The following NBAS variants were observed in gnomAD, a reference collection of about 807,000 sequenced individuals.
NBAS encodes the protein NAG/BC035112 fusion.
Under a neutral mutation model 302.5 loss-of-function variants are expected in NBAS, and 219 were observed. The observed-to-expected ratio is 0.72, with a 90% CI of 0.65 to 0.81. The LOEUF is 0.81. Among genes scored for constraint, NBAS ranks in the 30% least tolerant of loss-of-function variants. NBAS has a pLI of 0.00. For missense variants in NBAS, 2,932 were observed against 2,841.6 expected, an observed-to-expected ratio of 1.03 and a Z score of -0.72; for synonymous variants, 1,118 against 1,021.6, an observed-to-expected ratio of 1.09 and a Z score of -1.80.
the NBAS span, among the ~76,000 whole-genome samples, chr2:14,937,993 T>C: frequency 0.049 from 7,409 of 152,116 alleles, 570 homozygotes; most frequent in African/African-American, 0.17. Flanking sequence ...GCCGTCATGG[T>C]GGTACGCACA....
intron 48 of NBAS, among the ~76,000 whole-genome samples, chr2:15,216,893 C>T (rs10199734): frequency 0.24 from 36,232 of 152,032 alleles, 4,394 homozygotes; most frequent in Middle Eastern, 0.32. Context: ...TGAAACTGAC[C>T]GAGGTCGAGA....
the NBAS span, among the ~76,000 whole-genome samples, chr2:14,913,918 T>C: frequency 3.9e-5 from 6 of 152,214 alleles, no homozygotes; most frequent in Non-Finnish European, 7.3e-5. Context: ...ACTATATTAG[T>C]GTGTTTTCAC....
chr2:15,440,181 T>C (rs977232906), intron 21 of NBAS, among the ~76,000 whole-genome samples: 3 of 152,186 alleles, frequency 2.0e-5, no homozygotes, highest in Non-Finnish European at 2.9e-5. Flanking sequence ...CAACTGGAGA[T>C]CTGAGAACGG....
intron 35 of NBAS, among the ~76,000 whole-genome samples, chr2:15,335,433 G>C (rs1672538115): frequency 1.3e-5 from 2 of 152,154 alleles, no homozygotes; most frequent in Admixed American, 1.3e-4. Flanking sequence ...TTCTAAAGTG[G>C]TTATTACACT....
chr2:15,078,922 T>C, the NBAS span, among the ~76,000 whole-genome samples: 1 of 152,066 alleles, frequency 6.6e-6, no homozygotes, highest in Non-Finnish European at 1.5e-5. Flanking sequence ...AAGTGAGACA[T>C]GAGAAAATGT....
At chr2:15,332,436 T>C (rs1672394753) in intron 35 of NBAS, among the ~76,000 whole-genome samples, 1 of 152,152 alleles carries the variant, frequency 6.6e-6, no homozygotes, top group Non-Finnish European at 1.5e-5. Context: ...TTCTTACTTC[T>C]AAAGGGAAAA....
intron 11 of NBAS, among the ~76,000 whole-genome samples, chr2:15,496,332 G>A (rs978832237): frequency 2.6e-5 from 4 of 152,144 alleles, no homozygotes; most frequent in African/African-American, 9.7e-5. Context: ...GGGAGATGGA[G>A]TGTTGCAGGT....
At chr2:15,440,222 C>A (rs1678292429) in intron 21 of NBAS, among the ~76,000 whole-genome samples, 1 of 152,192 alleles carries the variant, frequency 6.6e-6, no homozygotes, top group African/African-American at 2.4e-5. Context: ...GGTCCCTGAC[C>A]CCTGACCCCC....
the NBAS span, among the ~76,000 whole-genome samples, chr2:14,806,172 C>G: frequency 6.6e-6 from 1 of 152,144 alleles, no homozygotes; most frequent in African/African-American, 2.4e-5. Context: ...TCATTTCTAA[C>G]AAGTTCCCAA....
chr2:15,312,148 T>C (rs1210663540), intron 38 of NBAS, among the ~76,000 whole-genome samples: 1 of 152,248 alleles, frequency 6.6e-6, no homozygotes, highest in African/African-American at 2.4e-5. Context: ...CAGATGATCC[T>C]CCTCTGTGTG....
the NBAS span, among the ~76,000 whole-genome samples, chr2:15,062,390 T>C: frequency 6.6e-6 from 1 of 152,218 alleles, no homozygotes; most frequent in Non-Finnish European, 1.5e-5. Flanking sequence ...TTGGGCTATT[T>C]ATACTAGAGG....
the NBAS span, among the ~76,000 whole-genome samples, chr2:14,855,832 G>A: frequency 3.3e-5 from 5 of 152,174 alleles, no homozygotes; most frequent in Non-Finnish European, 5.9e-5. Context: ...CCCACTTAGG[G>A]CTTGTGAGAC....
chr2:15,072,240 C>T, the NBAS span, among the ~76,000 whole-genome samples: 5 of 152,164 alleles, frequency 3.3e-5, no homozygotes, highest in African/African-American at 9.7e-5. Flanking sequence ...GAAAAATACT[C>T]GCCTTGCTGT....
At chr2:14,816,633 G>T in the NBAS span, among the ~76,000 whole-genome samples, 3 of 152,142 alleles carry the variant, frequency 2.0e-5, no homozygotes, top group African/African-American at 7.2e-5. Context: ...GAAGTTCCTT[G>T]GCTATCCGAC....
At chr2:15,519,299 G>A (rs1036862161) in intron 9 of NBAS, among the ~76,000 whole-genome samples, 5 of 152,048 alleles carry the variant, frequency 3.3e-5, no homozygotes, top group Non-Finnish European at 7.4e-5. Flanking sequence ...TATCACATAC[G>A]GTGTGCCGGT....
chr2:15,550,925 T>C (rs1173873188), intron 6 of NBAS, among the ~76,000 whole-genome samples: 1 of 152,160 alleles, frequency 6.6e-6, no homozygotes, highest in African/African-American at 2.4e-5. Flanking sequence ...GTCATTTTTC[T>C]TTCTCAGCCA....
intron 40 of NBAS, among the ~76,000 whole-genome samples, chr2:15,293,793 GAC>G (rs1318451859): frequency 6.6e-6 from 1 of 152,160 alleles, no homozygotes; most frequent in African/African-American, 2.4e-5. Context: ...AACCCAGCCT[GAC>G]ATTCTCTCTC....
At chr2:14,940,131 ACTCAGTTTGGAAT>A in the NBAS span, among the ~76,000 whole-genome samples, 3 of 152,074 alleles carry the variant, frequency 2.0e-5, no homozygotes, top group Non-Finnish European at 4.4e-5. Flanking sequence ...CACACAGGGA[ACTCAGTTTGGAAT>A]CTCTGATCTA....
At chr2:14,786,561 G>A in the NBAS span, among the ~76,000 whole-genome samples, 1 of 152,016 alleles carries the variant, frequency 6.6e-6, no homozygotes, top group South Asian at 2.1e-4. Context: ...CTTTATTTCT[G>A]CCTTCATTTT....
Sources: allele counts gnomAD v4.1 joint callset (sites outside exome capture counted in the v4.1 genomes callset), GRCh38; gene constraint gnomAD v4.1.1; transcripts MANE v1.5; gene names NCBI Gene and HGNC (gene_info 2026-07-23, HGNC 2026-07-21).